The following GNG4 variants were observed in gnomAD, a reference collection of about 807,000 sequenced individuals.
The protein encoded by GNG4 is guanine nucleotide-binding protein G(I)/G(S)/G(O) subunit gamma-4.
GNG4 carries 4 observed loss-of-function variants against 5.8 expected under a neutral mutation model. That is an observed-to-expected ratio of 0.69 (90% confidence interval 0.34 to 1.57). The LOEUF (loss-of-function observed/expected upper bound fraction) is 1.57, where lower values mean the gene tolerates loss of function less well. GNG4 is among the 40% of genes most tolerant of loss of function. The pLI, the probability that GNG4 is intolerant of heterozygous loss-of-function variation, is 0.06. For missense variants in GNG4, 96 were observed against 95.1 expected (o/e 1.01, Z -0.04); for synonymous variants, 29 against 32.9 (o/e 0.88, Z 0.41).
intron 3 of GNG4, among the ~76,000 whole-genome samples, chr1:235,564,678 GTCA>G (rs1687148608): frequency 6.6e-6 from 1 of 152,110 alleles, no homozygotes; most frequent in Admixed American, 6.5e-5. Flanking sequence ...TTTAAGAGTG[GTCA>G]TCATAGTTAT....
intron 3 of GNG4, among the ~76,000 whole-genome samples, chr1:235,577,561 C>T (rs1206419819): frequency 6.6e-6 from 1 of 152,204 alleles, no homozygotes; most frequent in African/African-American, 2.4e-5. Context: ...CTGCCTCAGC[C>T]TCCCAAGTAG....
In GNG4 at chr1:235,646,778, A is replaced by G. The variant is rs991816396; in HGVS notation, c.-123+2884T>C. On this transcript the variant is annotated intron_variant, in intron 1 of 3. Transcript: ENST00000391854. The stretch of plus-strand genomic sequence containing the variant: ...TTGCCCACCAGCCACCATTCAGTCT[A>G]ACAAGAACTCCTTGGCAATTAGAGG... Among the ~76,000 whole-genome samples, 3 of 152,214 alleles carry G rather than the reference A, an allele frequency of 2.0e-5. No individual in the cohort carries two copies. In the East Asian group the frequency reaches 5.8e-4, roughly 29 times the overall value.
intron 2 of GNG4, among the ~76,000 whole-genome samples, chr1:235,586,292 T>A (rs1004334234): frequency 6.6e-6 from 1 of 151,466 alleles, no homozygotes; most frequent in Non-Finnish European, 1.5e-5. Context: ...TTCCTGCACA[T>A]GTGTTGGTGT....
At chr1:235,613,103 T>C (rs1369900191) in intron 1 of GNG4, among the ~76,000 whole-genome samples, 2 of 151,688 alleles carry the variant, frequency 1.3e-5, no homozygotes, top group African/African-American at 4.9e-5. Flanking sequence ...ACACAGAATT[T>C]TTTTTGGAGG....
intron 1 of GNG4, among the ~76,000 whole-genome samples, chr1:235,638,187 C>A (rs1436337598): frequency 6.6e-6 from 1 of 152,242 alleles, no homozygotes; most frequent in Non-Finnish European, 1.5e-5. Flanking sequence ...CTGCTCCTTT[C>A]TAGCTCCGGA....
chr1:235,606,053 C>T (rs112798531), intron 1 of GNG4, among the ~76,000 whole-genome samples: 3,167 of 151,682 alleles, frequency 0.021, 110 homozygotes, highest in African/African-American at 0.072. Flanking sequence ...GGATTATAGG[C>T]GTACCACCAT....
chr1:235,587,321 G>A (rs1389199831), intron 2 of GNG4, among the ~76,000 whole-genome samples: 2 of 66,916 alleles, frequency 3.0e-5, no homozygotes, highest in Non-Finnish European at 2.6e-5. Context: ...GGGTGTGTGT[G>A]TGTGAGAGTG....
chr1:235,593,845 G>A (rs1260251208), intron 2 of GNG4, among the ~76,000 whole-genome samples: 1 of 152,176 alleles, frequency 6.6e-6, no homozygotes, highest in South Asian at 2.1e-4. Flanking sequence ...AGCTCATAAA[G>A]GCAGTGGGGG....
intron 3 of GNG4, among the ~76,000 whole-genome samples, chr1:235,554,649 G>A (rs1394063145): frequency 6.6e-6 from 1 of 152,226 alleles, no homozygotes; most frequent in East Asian, 1.9e-4. Context: ...TTCAAGACCA[G>A]CCTGGCCAAC....
intron 1 of GNG4, among the ~76,000 whole-genome samples, chr1:235,626,767 T>C (rs909188073): frequency 5.3e-5 from 8 of 152,004 alleles, no homozygotes; most frequent in African/African-American, 1.2e-4. Flanking sequence ...GGGACCAGCC[T>C]GGCCAACATG....
intron 1 of GNG4, among the ~76,000 whole-genome samples, chr1:235,597,419 T>C (rs77469172): frequency 0.13 from 18,861 of 147,298 alleles, 1,979 homozygotes; most frequent in African/African-American, 0.28. Context: ...AATTCCTATA[T>C]TGAAATCCAA....
chr1:235,615,090 A>G (rs1395482560), intron 1 of GNG4: 1 of 152,302 alleles, frequency 6.6e-6, no homozygotes, highest in Non-Finnish European at 1.5e-5. Context: ...GAGAGAATGC[A>G]TAGATCGAAG....
chr1:235,611,828 C>G (rs543654683), intron 1 of GNG4, among the ~76,000 whole-genome samples: 1 of 151,926 alleles, frequency 6.6e-6, no homozygotes, highest in East Asian at 1.9e-4. Flanking sequence ...TTTGGGAGGT[C>G]GAGGCGGGAG....
intron 1 of GNG4, among the ~76,000 whole-genome samples, chr1:235,596,826 G>A (rs1688135470): frequency 6.6e-6 from 1 of 151,994 alleles, no homozygotes; most frequent in Non-Finnish European, 1.5e-5. Flanking sequence ...GGGCTCAAAC[G>A]AGCCTGCCAC....
intron 2 of GNG4, 141 bp from the exon 3 acceptor site, chr1:235,583,989 G>A: frequency 4.0e-6 from 2 of 497,080 alleles, no homozygotes; most frequent in Non-Finnish European, 7.3e-6. Flanking sequence ...AAACCCTCCT[G>A]GGATAAGAGA....
chr1:235,611,157 TTCTCTCTC>T (rs1317294841), intron 1 of GNG4, among the ~76,000 whole-genome samples: 1 of 150,636 alleles, frequency 6.6e-6, no homozygotes, highest in African/African-American at 2.4e-5. Context: ...AGGGCAGAGA[TTCTCTCTC>T]TCTCTCTTTT....
chr1:235,607,252 G>T (rs1443303804), intron 1 of GNG4, among the ~76,000 whole-genome samples: 1 of 152,120 alleles, frequency 6.6e-6, no homozygotes. Flanking sequence ...CAGCCCTGAA[G>T]GTTTCTTTCT....
chr1:235,636,694 AC>A lies in GNG4; in HGVS notation c.-123+12967del, dbSNP rs1357497504. On this transcript the variant is annotated intron_variant, in intron 1 of 3. Transcript: ENST00000391854. ...CATGTTAAGACCAGAGATCCGATGA[AC>A]CCCCAAAGCAGGGTGGGATCCCCAA... Among the ~76,000 whole-genome samples the A allele has an allele frequency of 5.9e-5, 9 of 152,182 alleles. 1 individual carries two copies. Among genetic ancestry groups the A allele is most frequent in the East Asian group, 1.9e-4 (1 of 5,176 alleles).
intron 3 of GNG4, among the ~76,000 whole-genome samples, chr1:235,572,919 T>C (rs148603628): frequency 3.3e-5 from 5 of 152,306 alleles, no homozygotes; most frequent in African/African-American, 1.2e-4. Flanking sequence ...CAAGAGATTT[T>C]CAGTCCTTAG....
Sources: allele counts gnomAD v4.1 joint callset (sites outside exome capture counted in the v4.1 genomes callset), GRCh38; gene constraint gnomAD v4.1.1; transcripts MANE v1.5; gene names NCBI Gene and HGNC (gene_info 2026-07-23, HGNC 2026-07-21).